The following ASH1L variants were observed in gnomAD, a reference collection of about 807,000 sequenced individuals.
ASH1L encodes ASH1 like histone lysine methyltransferase.
In ASH1L, 23 loss-of-function variants were observed where a neutral mutation model predicts 269.0. The observed-to-expected ratio is 0.09, with a 90% confidence interval of 0.06 to 0.12. The LOEUF (loss-of-function observed/expected upper bound fraction) is 0.12, where lower values mean the gene tolerates loss of function less well. Among genes scored for constraint, ASH1L ranks in the 10% least tolerant of loss-of-function variants. The pLI is 1.00. For missense variants in ASH1L, 2,912 were observed against 3,567.8 expected, an observed-to-expected ratio of 0.82 and a Z score of 4.68; for synonymous variants, 1,187 against 1,253.5, an observed-to-expected ratio of 0.95 and a Z score of 1.12.
At chr1:155,549,044 A>G (rs1671017749) in intron 1 of ASH1L, among the ~76,000 whole-genome samples, 1 of 152,192 alleles carries the variant, frequency 6.6e-6, no homozygotes, top group African/African-American at 2.4e-5. Flanking sequence ...TTATGTCATT[A>G]TTCTCTAAGC....
chr1:155,347,310 G>A (rs1477326914), intron 20 of ASH1L, among the ~76,000 whole-genome samples: 2 of 152,228 alleles, frequency 1.3e-5, no homozygotes, highest in African/African-American at 4.8e-5. Context: ...GAGAGGCTGA[G>A]GTGGGAGGAT....
At chr1:155,422,921 T>A (rs540141747) in intron 5 of ASH1L, among the ~76,000 whole-genome samples, 1 of 151,678 alleles carries the variant, frequency 6.6e-6, no homozygotes, top group Admixed American at 6.6e-5. Context: ...AGTGCTGGGA[T>A]TACAGGCGTG....
chr1:155,519,292 C>T lies in ASH1L; in HGVS notation c.420+1808G>A, dbSNP rs1438215223. Among the ~76,000 whole-genome samples, 5 of 151,934 alleles carry T rather than the reference C, an allele frequency of 3.3e-5. No individual in the cohort carries two copies. In the South Asian group the frequency reaches 6.2e-4, roughly 19 times the overall value. On this transcript the variant is annotated intron_variant, in intron 2 of 27. Coordinates refer to ENST00000392403, the MANE Select transcript of ASH1L (RefSeq NM_018489.3). ...TCTACTAAAAAATACAAAAATTAGC[C>T]GGGAATGGTGGCACACGCCTGTAAT...
chr1:155,361,300 CG>C (rs1325645792), intron 12 of ASH1L, among the ~76,000 whole-genome samples: 1 of 151,690 alleles, frequency 6.6e-6, no homozygotes, highest in Non-Finnish European at 1.5e-5. Flanking sequence ...AGGCAGATCA[CG>C]AAGTCAGGAG....
At chr1:155,539,057 G>A (rs1670248671) in intron 1 of ASH1L, among the ~76,000 whole-genome samples, 1 of 152,036 alleles carries the variant, frequency 6.6e-6, no homozygotes, top group African/African-American at 2.4e-5. Flanking sequence ...GATCTGATTT[G>A]GCCTACCAGA....
intron 3 of ASH1L, among the ~76,000 whole-genome samples, chr1:155,471,632 C>G (rs1665105532): frequency 6.6e-6 from 1 of 152,242 alleles, no homozygotes; most frequent in African/African-American, 2.4e-5. Context: ...AAACACTGCT[C>G]TATGTATCTC....
At chr1:155,430,032 C>A (rs954448444) in intron 5 of ASH1L, among the ~76,000 whole-genome samples, 1 of 151,724 alleles carries the variant, frequency 6.6e-6, no homozygotes, top group Non-Finnish European at 1.5e-5. Context: ...CTGGAGCGCA[C>A]TGATGCGATC....
intron 1 of ASH1L, among the ~76,000 whole-genome samples, chr1:155,548,565 T>A (rs1379906365): frequency 1.3e-5 from 2 of 152,238 alleles, no homozygotes; most frequent in South Asian, 2.1e-4. Flanking sequence ...TCACCAACCA[T>A]TTTACATTTG....
chr1:155,383,967 T>A (rs574972079), intron 7 of ASH1L, among the ~76,000 whole-genome samples: 1 of 152,304 alleles, frequency 6.6e-6, no homozygotes, highest in African/African-American at 2.4e-5. Context: ...AAATGTAATA[T>A]ATCAAAAACT....
At chr1:155,373,911 C>T (rs927181462) in intron 10 of ASH1L, among the ~76,000 whole-genome samples, 4 of 152,172 alleles carry the variant, frequency 2.6e-5, no homozygotes, top group African/African-American at 9.7e-5. Flanking sequence ...TCAAGTGATC[C>T]GCCCACCCTG....
At chr1:155,417,745 G>C (rs1660334668) in intron 5 of ASH1L, among the ~76,000 whole-genome samples, 1 of 152,114 alleles carries the variant, frequency 6.6e-6, no homozygotes, top group Admixed American at 6.5e-5. Context: ...GATCACCTGA[G>C]GTCGGGAGTT....
chr1:155,382,496 T>TCAAA (rs796904417), intron 7 of ASH1L, among the ~76,000 whole-genome samples: 19 of 152,098 alleles, frequency 1.2e-4, no homozygotes, highest in Middle Eastern at 3.2e-3. Flanking sequence ...AGACTCTGTC[T>TCAAA]CAAACAAACA....
chr1:155,458,859 ATC>A (rs1473366134), intron 4 of ASH1L, among the ~76,000 whole-genome samples: 1 of 151,582 alleles, frequency 6.6e-6, no homozygotes, highest in African/African-American at 2.4e-5. Context: ...ATCACTCTCC[ATC>A]TCTCTCAGTA....
chr1:155,339,245 G>T, intron 26 of ASH1L, 83 bp downstream of exon 26: 2 of 1,245,154 alleles, frequency 1.6e-6, no homozygotes, highest in South Asian at 2.4e-5. Context: ...AAGTGGAGCT[G>T]AGTGGGTAGT....
chr1:155,481,771 G>A lies in ASH1L; in HGVS notation c.1099C>T (p.Leu367=), dbSNP rs1665980772. The change falls in exon 3 of 28, where the codon CTG becomes TTG. Residue 367 remains leucine, a synonymous_variant. Transcript: ENST00000392403. ...TTCTTTCCCAAATCTTTATTAACCA[G>A]TCCAACCACAGTGCCAAGTCCTAAC... is the stretch of plus-strand genomic sequence containing the variant. ...KKLGLGTVVG[L]VNKDLGKKLG... 6.2e-7 allele frequency: 1 copy of A among 1,614,050 alleles called. No individual in the cohort carries two copies. The highest frequency in any genetic ancestry group is 1.3e-5 in the African/African-American group (1 of 74,918).
intron 5 of ASH1L, among the ~76,000 whole-genome samples, chr1:155,432,451 CA>C (rs1222635500): frequency 1.3e-5 from 2 of 152,074 alleles, no homozygotes; most frequent in African/African-American, 2.4e-5. Flanking sequence ...GTACATGAAA[CA>C]TAATAATCTT....
At chr1:155,441,405 G>T (rs1256661251) in intron 4 of ASH1L, among the ~76,000 whole-genome samples, 1 of 149,238 alleles carries the variant, frequency 6.7e-6, no homozygotes, top group African/African-American at 2.5e-5. Flanking sequence ...TCCTGCTGAG[G>T]TCACAGCCAA....
intron 6 of ASH1L, among the ~76,000 whole-genome samples, chr1:155,401,412 A>G (rs1658835970): frequency 6.6e-6 from 1 of 150,536 alleles, no homozygotes; most frequent in Non-Finnish European, 1.5e-5. Flanking sequence ...TGGGAGGCGG[A>G]GATTGCAGCG....
intron 5 of ASH1L, among the ~76,000 whole-genome samples, chr1:155,435,921 C>T (rs896991895): frequency 7.9e-5 from 12 of 152,046 alleles, no homozygotes; most frequent in African/African-American, 2.4e-4. Flanking sequence ...CATGGTGGTG[C>T]GCACCTGTAA....
Sources: allele counts gnomAD v4.1 joint callset (sites outside exome capture counted in the v4.1 genomes callset), GRCh38; gene constraint gnomAD v4.1.1; transcripts MANE v1.5; gene names NCBI Gene and HGNC (gene_info 2026-07-23, HGNC 2026-07-21).